The following GAB4 variants were observed in gnomAD, a reference collection of about 807,000 sequenced individuals.
GAB4 encodes GRB2-associated-binding protein 4.
GAB4 carries 26 observed loss-of-function variants against 51.3 expected under a neutral mutation model. The ratio of observed to expected loss-of-function variants is 0.51; its 90% CI spans 0.37 to 0.70. The LOEUF is 0.70. Among genes scored for constraint, GAB4 ranks in the 30% least tolerant of loss-of-function variants. The pLI, the probability that GAB4 is intolerant of heterozygous loss-of-function variation, is 0.00. For synonymous variants in GAB4, 329 were observed against 291.2 expected, an observed-to-expected ratio of 1.13 and a Z score of -1.32; for missense variants, 759 against 734.6, an observed-to-expected ratio of 1.03 and a Z score of -0.38.
At chr22:16,973,078 C>T (rs1388347089) in intron 3 of GAB4, among the ~76,000 whole-genome samples, 1 of 152,162 alleles carries the variant, frequency 6.6e-6, no homozygotes, top group Non-Finnish European at 1.5e-5. Context: ...TCCTACTCCA[C>T]TTATCCTTCA....
At position 16,966,222 on chromosome 22, in the gene GAB4, C is replaced by A. The variant is rs1393479218; in HGVS notation, c.1166G>T (p.Cys389Phe). Reference protein sequence around the residue: ...SQGVCIPVGSCLVRFDLLGSP... With the variant: ...SQGVCIPVGSFLVRFDLLGSP... ...GCCAAGCAGGTCAAAGCGAACAAGA[C>A]ATGAGCCCACAGGGATGCAGACACC... Residue 389 changes from cysteine to phenylalanine, a missense_variant, in exon 6 of 10, where the codon TGT (cysteine) becomes TTT (phenylalanine). By Grantham distance (205) the Cys-to-Phe change is radical. This residue lies in a region of GAB4 where 588 missense variants were observed against 510.2 expected (regional missense o/e 1.15). Transcript: ENST00000400588. 6.2e-7 allele frequency: 1 copy of A among 1,613,984 alleles called. No individual in the cohort carries two copies. Among genetic ancestry groups the A allele is most frequent in the Non-Finnish European group, 8.5e-7 (1 of 1,180,044 alleles).
At chr22:17,000,159 G>A (rs535561818) in intron 1 of GAB4, among the ~76,000 whole-genome samples, 16 of 152,280 alleles carry the variant, frequency 1.1e-4, no homozygotes, top group South Asian at 4.1e-4. Flanking sequence ...TATTAGGTCT[G>A]CTTGGCGTAG....
intron 1 of GAB4, 21 bp downstream of exon 1, chr22:17,007,920 C>G (rs374597997): frequency 6.9e-7 from 1 of 1,458,460 alleles, no homozygotes; most frequent in South Asian, 1.2e-5. Context: ...CTCCTGGTAC[C>G]GCCCCCACTG....
chr22:16,995,104 G>C (rs2060940689), intron 1 of GAB4, among the ~76,000 whole-genome samples: 1 of 152,192 alleles, frequency 6.6e-6, no homozygotes, highest in African/African-American at 2.4e-5. Flanking sequence ...TAAAGTGGCA[G>C]AGCAAGACTT....
At chr22:16,983,120 A>T (rs1176811429) in intron 3 of GAB4, among the ~76,000 whole-genome samples, 1 of 152,158 alleles carries the variant, frequency 6.6e-6, no homozygotes, top group Non-Finnish European at 1.5e-5. Flanking sequence ...CATATGCTTC[A>T]AAGAAAATGC....
At position 16,966,233 on chromosome 22, in the gene GAB4, A is replaced by G. The variant is rs972065871; in HGVS notation, c.1155T>C (p.Pro385=). The change falls in exon 6 of 10, where the codon CCT becomes CCC. Residue 385 remains proline, a synonymous_variant. Coordinates refer to ENST00000400588, the MANE Select transcript of GAB4 (RefSeq NM_001037814.1). ...AGDDSQGVCI[P]VGSCLVRFDL... ...CAAAGCGAACAAGACATGAGCCCACAGGGATGCAGACACCCTGGGAATCAT... is the reference window on the plus strand; with the variant it reads ...CAAAGCGAACAAGACATGAGCCCACGGGGATGCAGACACCCTGGGAATCAT... 13 of 1,613,982 alleles carry G rather than the reference A, an allele frequency of 8.1e-6. No homozygotes were observed. The highest frequency in any genetic ancestry group is 3.3e-5 in the Admixed American group (2 of 60,006).
rs2060714180 is a variant in GAB4, at chr22:16,969,839, C to A, written c.937+104G>T. 27 of 1,355,742 alleles carry A rather than the reference C, an allele frequency of 2.0e-5. 1 individual carries two copies. In the South Asian group the frequency reaches 3.2e-4, roughly 16 times the overall value. The allele number at this position is 1,355,742 out of a possible 1,614,324, so 84.0% of individuals were successfully genotyped here. Reference sequence around the variant, plus strand: ...TGTCTAACGTGACTGTCCTAGGAATCTGGTGCACTGAGAGTGGGGTGGCCG... The same window carrying A: ...TGTCTAACGTGACTGTCCTAGGAATATGGTGCACTGAGAGTGGGGTGGCCG... On this transcript the variant is annotated intron_variant, in intron 4 of 9. Transcript: ENST00000400588.
Position 16,999,255 on chromosome 22 carries a change from G to A in GAB4, c.175-7079C>T, listed in dbSNP as rs568971763. The stretch of plus-strand genomic sequence containing the variant: ...GGTACCTCTGATAGAATTCGGCTGT[G>A]AATCCATCTGGTCCTGGACTTTCTT... On this transcript the variant is annotated intron_variant, in intron 1 of 9. Coordinates refer to ENST00000400588, the MANE Select transcript of GAB4 (RefSeq NM_001037814.1). Among the ~76,000 whole-genome samples the A allele has an allele frequency of 6.6e-5, 10 of 152,350 alleles. No individual in the cohort carries two copies. In the South Asian group the frequency reaches 1.9e-3, roughly 28 times the overall value.
At chr22:17,007,672 T>C (rs1355660958) in intron 1 of GAB4, among the ~76,000 whole-genome samples, 3 of 152,100 alleles carry the variant, frequency 2.0e-5, no homozygotes, top group African/African-American at 7.2e-5. Context: ...TGTGTCCCCT[T>C]TCCCGCCCAC....
At chr22:16,980,236 G>A (rs1193368991) in intron 3 of GAB4, among the ~76,000 whole-genome samples, 1 of 152,054 alleles carries the variant, frequency 6.6e-6, no homozygotes, top group Admixed American at 6.5e-5. Flanking sequence ...CAACAGAATG[G>A]GAGAATATTT....
intron 1 of GAB4, among the ~76,000 whole-genome samples, chr22:16,997,164 T>C (rs1310135855): frequency 2.0e-5 from 3 of 152,190 alleles, no homozygotes; most frequent in Non-Finnish European, 4.4e-5. Flanking sequence ...TACCCAGTAA[T>C]GGGATTGCTG....
intron 3 of GAB4, among the ~76,000 whole-genome samples, chr22:16,984,034 A>G (rs73145702): frequency 0.022 from 3,367 of 152,320 alleles, 59 homozygotes; most frequent in Middle Eastern, 0.068. Flanking sequence ...GCAATAGGAG[A>G]AAGTATTTTC....
chr22:16,967,574 G>A (rs1310051788), intron 5 of GAB4: 1 of 152,488 alleles, frequency 6.6e-6, no homozygotes, highest in East Asian at 1.9e-4. Flanking sequence ...GTATCAGGGA[G>A]GTATAGGGAG....
At chr22:16,983,497 C>A (rs1010958659) in intron 3 of GAB4, among the ~76,000 whole-genome samples, 3 of 152,160 alleles carry the variant, frequency 2.0e-5, no homozygotes, top group African/African-American at 7.2e-5. Context: ...ACAGCCAAAG[C>A]AACCCTGAGC....
intron 3 of GAB4, among the ~76,000 whole-genome samples, chr22:16,978,880 C>G (rs779919136): frequency 2.6e-5 from 4 of 152,030 alleles, no homozygotes; most frequent in Admixed American, 6.5e-5. Flanking sequence ...GTTCAACATA[C>G]GAAAATCAAT....
intron 1 of GAB4, among the ~76,000 whole-genome samples, chr22:17,001,373 C>T (rs2060996183): frequency 6.6e-6 from 1 of 152,182 alleles, no homozygotes; most frequent in Admixed American, 6.5e-5. Context: ...TCTCTTCTCG[C>T]TTCATTTCAT....
intron 3 of GAB4, among the ~76,000 whole-genome samples, chr22:16,978,222 A>G (rs947238702): frequency 3.9e-5 from 6 of 152,194 alleles, no homozygotes; most frequent in Non-Finnish European, 7.4e-5. Flanking sequence ...AAAAACCTTC[A>G]AAAAATCGAT....
intron 2 of GAB4, among the ~76,000 whole-genome samples, chr22:16,990,635 G>A (rs997464676): frequency 6.6e-6 from 1 of 152,122 alleles, no homozygotes; most frequent in Non-Finnish European, 1.5e-5. Context: ...CCCCTGTCTA[G>A]CACTCGGGCA....
At chr22:16,990,570 C>T (rs2060905455) in intron 2 of GAB4, among the ~76,000 whole-genome samples, 2 of 152,138 alleles carry the variant, frequency 1.3e-5, no homozygotes, top group Admixed American at 1.3e-4. Context: ...TTCATGCCCC[C>T]AGTTGTATGT....
Sources: allele counts gnomAD v4.1 joint callset (sites outside exome capture counted in the v4.1 genomes callset), GRCh38; gene constraint gnomAD v4.1.1; regional missense constraint gnomAD v4.1.1; transcripts MANE v1.5; gene names NCBI Gene and HGNC (gene_info 2026-07-23, HGNC 2026-07-21).